KALRN: variants seen among roughly 807,000 people sequenced by gnomAD.
KALRN encodes the protein kalirin RhoGEF kinase.
KALRN carries 70 observed loss-of-function variants against 353.7 expected under a neutral mutation model. The ratio of observed to expected loss-of-function variants is 0.20; its 90% confidence interval spans 0.16 to 0.24. The LOEUF (loss-of-function observed/expected upper bound fraction) is 0.24, where lower values mean the gene tolerates loss of function less well. KALRN is among the 10% of genes least tolerant of loss of function. KALRN has a pLI of 1.00. For missense variants in KALRN, 2,791 were observed against 3,756.7 expected, an observed-to-expected ratio of 0.74 and a Z score of 6.72; for synonymous variants, 1,391 against 1,434.8, an observed-to-expected ratio of 0.97 and a Z score of 0.69.
chr3:124,339,017 T>G (rs948182556), intron 9 of KALRN, among the ~76,000 whole-genome samples: 1 of 152,230 alleles, frequency 6.6e-6, no homozygotes, highest in African/African-American at 2.4e-5. Flanking sequence ...GTTCTACATT[T>G]CTTGATTCAG....
At chr3:124,184,682 G>A (rs1254419930) in intron 1 of KALRN, among the ~76,000 whole-genome samples, 3 of 152,018 alleles carry the variant, frequency 2.0e-5, no homozygotes, top group Non-Finnish European at 4.4e-5. Flanking sequence ...TAGCACTTAT[G>A]TTTATATTCC....
intron 5 of KALRN, among the ~76,000 whole-genome samples, chr3:124,277,853 A>T (rs2074919381): frequency 6.6e-6 from 1 of 152,222 alleles, no homozygotes; most frequent in South Asian, 2.1e-4. Flanking sequence ...ACCCCATAGA[A>T]CTGTGGACCC....
intron 33 of KALRN, among the ~76,000 whole-genome samples, chr3:124,500,450 C>G (rs947595344): frequency 2.6e-5 from 4 of 152,206 alleles, no homozygotes; most frequent in Admixed American, 1.3e-4. Context: ...TTGGAAACCT[C>G]CTTGTCTGAC....
At chr3:124,158,492 A>G (rs1171597587) in intron 1 of KALRN, among the ~76,000 whole-genome samples, 1 of 152,166 alleles carries the variant, frequency 6.6e-6, no homozygotes. Context: ...TGGAGAGGCC[A>G]TTGTCCCCAA....
intron 33 of KALRN, among the ~76,000 whole-genome samples, chr3:124,502,733 T>C (rs1200138097): frequency 6.6e-6 from 1 of 152,134 alleles, no homozygotes; most frequent in Non-Finnish European, 1.5e-5. Context: ...GGGGCACTCA[T>C]GTGCAAGAAA....
At chr3:124,572,222 G>A (rs7373767) in intron 34 of KALRN, among the ~76,000 whole-genome samples, 45,258 of 151,188 alleles carry the variant, frequency 0.3, 6,964 homozygotes, top group African/African-American at 0.36. Flanking sequence ...TGCTGGGGGT[G>A]GAGGTGGGGG....
intron 33 of KALRN, among the ~76,000 whole-genome samples, chr3:124,530,043 G>A (rs2067911907): frequency 6.6e-6 from 1 of 152,102 alleles, no homozygotes; most frequent in African/African-American, 2.4e-5. Flanking sequence ...TGAAGCTCCA[G>A]GAAATGAAAA....
intron 12 of KALRN, 100 bp from the exon 13 acceptor site, chr3:124,398,597 C>G (rs1251056459): frequency 6.9e-6 from 8 of 1,162,642 alleles, no homozygotes; most frequent in Non-Finnish European, 1.0e-5. Flanking sequence ...TCAACTGATT[C>G]ACATCCACCT....
At chr3:124,240,777 C>T (rs182757509) in intron 3 of KALRN, among the ~76,000 whole-genome samples, 216 of 152,160 alleles carry the variant, frequency 1.4e-3, no homozygotes, top group Admixed American at 2.6e-3. Flanking sequence ...CAGAGGGAGA[C>T]TTTGGGCATG....
At chr3:124,662,255 G>A (rs1483142912) in intron 45 of KALRN, among the ~76,000 whole-genome samples, 1 of 143,130 alleles carries the variant, frequency 7.0e-6, no homozygotes, top group Non-Finnish European at 1.5e-5. Flanking sequence ...AGGCTGGAGT[G>A]CAGAGTGGTG....
chr3:124,578,933 T>C (rs2074381078), intron 34 of KALRN, among the ~76,000 whole-genome samples: 1 of 152,210 alleles, frequency 6.6e-6, no homozygotes, highest in South Asian at 2.1e-4. Flanking sequence ...ACCAAGCCTA[T>C]GCTCTATAAA....
At chr3:124,617,496 A>G (rs1372396265) in intron 34 of KALRN, among the ~76,000 whole-genome samples, 1 of 152,256 alleles carries the variant, frequency 6.6e-6, no homozygotes, top group African/African-American at 2.4e-5. Context: ...CTGGGCTTAC[A>G]ACGAAGAAGT....
At chr3:124,691,603 G>C (rs187362550) in intron 51 of KALRN, among the ~76,000 whole-genome samples, 1 of 152,302 alleles carries the variant, frequency 6.6e-6, no homozygotes, top group Admixed American at 6.5e-5. Flanking sequence ...TGTACTTAGA[G>C]AGTATGACAA....
At chr3:124,346,010 G>A (rs929282692) in intron 9 of KALRN, among the ~76,000 whole-genome samples, 1 of 152,248 alleles carries the variant, frequency 6.6e-6, no homozygotes, top group Non-Finnish European at 1.5e-5. Flanking sequence ...TCCAAAATCT[G>A]GAAAGGCTAG....
At chr3:124,050,720 G>A (rs1482997242) in intron 1 of KALRN, among the ~76,000 whole-genome samples, 2 of 152,094 alleles carry the variant, frequency 1.3e-5, no homozygotes, top group African/African-American at 4.8e-5. Context: ...TCTCCCCTAT[G>A]TCATATCCTT....
intron 37 of KALRN, 73 bp downstream of exon 37, chr3:124,637,376 C>G (rs1307150162): frequency 9.0e-7 from 1 of 1,105,570 alleles, no homozygotes; most frequent in Non-Finnish European, 1.4e-6. Context: ...ATCTGTCTGC[C>G]GTTTTCTCCT....
chr3:124,068,496 T>TTC (rs1250382314), intron 1 of KALRN, among the ~76,000 whole-genome samples: 1 of 152,100 alleles, frequency 6.6e-6, no homozygotes, highest in Non-Finnish European at 1.5e-5. Flanking sequence ...TGCTATAGAG[T>TTC]GAGATTTAAT....
chr3:124,461,307 T>C (rs773579143), intron 23 of KALRN, among the ~76,000 whole-genome samples: 1 of 152,184 alleles, frequency 6.6e-6, no homozygotes, highest in Non-Finnish European at 1.5e-5. Flanking sequence ...AGTTGAGTGG[T>C]TGTGACAGAG....
chr3:124,626,745 A>G (rs1232505358), intron 34 of KALRN, among the ~76,000 whole-genome samples: 1 of 152,238 alleles, frequency 6.6e-6, no homozygotes, highest in Non-Finnish European at 1.5e-5. Context: ...TTTTCCACAT[A>G]TAAACCTTTA....
Sources: gnomAD v4.1 joint callset for allele counts (sites outside exome capture counted in the v4.1 genomes callset) on GRCh38, gnomAD v4.1.1 for gene constraint, MANE v1.5 for transcripts, NCBI Gene and HGNC (gene_info 2026-07-23, HGNC 2026-07-21) for gene names.